NPSR1: variants seen among roughly 807,000 people sequenced by gnomAD.
NPSR1 encodes neuropeptide S receptor.
In NPSR1, 48 loss-of-function variants were observed where a neutral mutation model predicts 46.9. The ratio of observed to expected loss-of-function variants is 1.02; its 90% confidence interval spans 0.81 to 1.30. The LOEUF (loss-of-function observed/expected upper bound fraction) is 1.30. Among genes scored for constraint, NPSR1 ranks in the 50% most tolerant of loss-of-function variants. The pLI, the probability that NPSR1 is intolerant of heterozygous loss-of-function variation, is 0.00. For synonymous variants in NPSR1, 176 were observed against 168.1 expected (o/e 1.05, Z -0.36); for missense variants, 450 against 449.5 (o/e 1.00, Z -0.01).
intron 2 of NPSR1, among the ~76,000 whole-genome samples, chr7:34,689,898 T>A (rs192106793): frequency 7.0e-4 from 106 of 150,736 alleles, no homozygotes; most frequent in Non-Finnish European, 1.3e-3. Flanking sequence ...TGAGCCAAGA[T>A]CATGCCACTG....
intron 2 of NPSR1, among the ~76,000 whole-genome samples, chr7:34,724,708 T>C (rs1308131865): frequency 6.6e-6 from 1 of 152,148 alleles, no homozygotes; most frequent in Non-Finnish European, 1.5e-5. Context: ...CTGGGTGAAC[T>C]TGACAGGTCA....
chr7:34,685,649 T>C (rs1290254016), intron 2 of NPSR1: 1 of 403,466 alleles, frequency 2.5e-6, no homozygotes, highest in African/African-American at 2.2e-5. Flanking sequence ...AATTTAGTCT[T>C]GAGCCATAAT....
chr7:34,660,639 T>C (rs1791408798), intron 1 of NPSR1, among the ~76,000 whole-genome samples: 1 of 152,210 alleles, frequency 6.6e-6, no homozygotes, highest in African/African-American at 2.4e-5. Context: ...GCAACAACCA[T>C]ACGTCTCATT....
At chr7:34,714,348 A>C (rs1783454852) in intron 2 of NPSR1, among the ~76,000 whole-genome samples, 1 of 152,200 alleles carries the variant, frequency 6.6e-6, no homozygotes. Context: ...AAGGGTGCGA[A>C]TAATATGAAA....
chr7:34,843,946 T>C (rs1790658866), intron 6 of NPSR1, among the ~76,000 whole-genome samples: 1 of 152,190 alleles, frequency 6.6e-6, no homozygotes, highest in South Asian at 2.1e-4. Context: ...GGGGCTGGCA[T>C]TCTCTTCATA....
At chr7:34,832,163 T>C (rs1435267984) in intron 5 of NPSR1, among the ~76,000 whole-genome samples, 1 of 152,186 alleles carries the variant, frequency 6.6e-6, no homozygotes, top group East Asian at 1.9e-4. Flanking sequence ...GAGAGGAAGG[T>C]ACAGATTATG....
intron 2 of NPSR1, chr7:34,685,615 A>G: frequency 5.7e-6 from 2 of 349,980 alleles, no homozygotes; most frequent in South Asian, 2.1e-5. Flanking sequence ...TCTCAGCTGT[A>G]GTAATGGTAG....
chr7:34,788,862 T>C (rs989493980), intron 3 of NPSR1, among the ~76,000 whole-genome samples: 3 of 152,068 alleles, frequency 2.0e-5, no homozygotes, highest in African/African-American at 7.2e-5. Context: ...TATAATCTTT[T>C]GAAGCACCCA....
chr7:34,809,115 T>C (rs1261949504), intron 3 of NPSR1, among the ~76,000 whole-genome samples: 2 of 152,118 alleles, frequency 1.3e-5, no homozygotes, highest in African/African-American at 2.4e-5. Flanking sequence ...GTTCTGCCAT[T>C]GTGTGCTTTC....
intron 1 of NPSR1, among the ~76,000 whole-genome samples, chr7:34,669,176 G>C (rs948841462): frequency 2.0e-5 from 3 of 152,104 alleles, no homozygotes; most frequent in Non-Finnish European, 2.9e-5. Flanking sequence ...AGTTGTCAGG[G>C]GAATATGAAA....
intron 2 of NPSR1, among the ~76,000 whole-genome samples, chr7:34,774,587 G>GTAT (rs1786858626): frequency 1.3e-5 from 2 of 152,178 alleles, no homozygotes; most frequent in African/African-American, 4.8e-5. Flanking sequence ...CTCAAAAGGT[G>GTAT]TATAACTTTG....
intron 2 of NPSR1, among the ~76,000 whole-genome samples, chr7:34,705,823 A>C (rs964264212): frequency 6.6e-6 from 1 of 152,060 alleles, no homozygotes; most frequent in African/African-American, 2.4e-5. Flanking sequence ...AATAATTATC[A>C]ATGTGTATTT....
chr7:34,757,124 G>A (rs1025296290), intron 2 of NPSR1, among the ~76,000 whole-genome samples: 2 of 152,080 alleles, frequency 1.3e-5, no homozygotes, highest in Non-Finnish European at 2.9e-5. Flanking sequence ...GGTGTTTTGA[G>A]TACCTATATT....
intron 2 of NPSR1, among the ~76,000 whole-genome samples, chr7:34,766,375 T>C (rs1374192861): frequency 6.6e-6 from 1 of 152,194 alleles, no homozygotes; most frequent in Non-Finnish European, 1.5e-5. Flanking sequence ...GAAATGAAAA[T>C]TTATATTCAC....
At chr7:34,811,407 G>T (rs974839042) in intron 3 of NPSR1, among the ~76,000 whole-genome samples, 6 of 152,026 alleles carry the variant, frequency 3.9e-5, no homozygotes, top group Non-Finnish European at 8.8e-5. Context: ...ATGCTGTTCT[G>T]CCATTCGTCT....
chr7:34,776,813 G>T (rs1317289527), intron 2 of NPSR1, among the ~76,000 whole-genome samples: 1 of 152,114 alleles, frequency 6.6e-6, no homozygotes, highest in Non-Finnish European at 1.5e-5. Flanking sequence ...TTCCCTTCAA[G>T]GCAGTAGTTT....
At chr7:34,866,413 G>A (rs1014218727) in intron 8 of NPSR1, among the ~76,000 whole-genome samples, 7 of 151,834 alleles carry the variant, frequency 4.6e-5, no homozygotes, top group South Asian at 4.1e-4. Context: ...AGAGGATAGC[G>A]GAGGGACAGG....
chr7:34,812,431 A>AC (rs1789031578), intron 4 of NPSR1, among the ~76,000 whole-genome samples: 1 of 152,066 alleles, frequency 6.6e-6, no homozygotes, highest in African/African-American at 2.4e-5. Flanking sequence ...AGCCCACAAA[A>AC]CCCCTAGGAG....
intron 8 of NPSR1, among the ~76,000 whole-genome samples, chr7:34,874,097 A>G (rs1791522733): frequency 1.3e-5 from 2 of 151,466 alleles, no homozygotes; most frequent in South Asian, 2.1e-4. Flanking sequence ...CAACAAGCAG[A>G]AAGTTGAGAC....
Sources: gnomAD v4.1 joint callset for allele counts (sites outside exome capture counted in the v4.1 genomes callset) on GRCh38, gnomAD v4.1.1 for gene constraint, MANE v1.5 for transcripts, NCBI Gene and HGNC (gene_info 2026-07-23, HGNC 2026-07-21) for gene names.